MAGI1: variants seen among roughly 807,000 people sequenced by gnomAD.
MAGI1 encodes the protein membrane-associated guanylate kinase, WW and PDZ domain-containing protein 1.
MAGI1 carries 58 observed loss-of-function variants against 139.9 expected under a neutral mutation model. The observed-to-expected ratio is 0.41, with a 90% CI of 0.34 to 0.52. The LOEUF (loss-of-function observed/expected upper bound fraction) is 0.52. Among genes scored for constraint, MAGI1 ranks in the 20% least tolerant of loss-of-function variants. The pLI is 0.12. For synonymous variants in MAGI1, 812 were observed against 737.9 expected (o/e 1.10, Z -1.63); for missense variants, 1,874 against 1,901.6 (o/e 0.99, Z 0.27).
chr3:65,585,805 A>C (rs2081645875), intron 2 of MAGI1, among the ~76,000 whole-genome samples: 1 of 152,150 alleles, frequency 6.6e-6, no homozygotes, highest in Admixed American at 6.6e-5. Context: ...AATTCCCAAA[A>C]ATGAGAACAA....
At chr3:65,880,305 A>G (rs911086453) in intron 1 of MAGI1, among the ~76,000 whole-genome samples, 2 of 152,182 alleles carry the variant, frequency 1.3e-5, no homozygotes. Context: ...AGTAGTAATG[A>G]TAACAGTAGT....
chr3:65,798,674 A>G (rs1228843158), intron 1 of MAGI1, among the ~76,000 whole-genome samples: 1 of 152,234 alleles, frequency 6.6e-6, no homozygotes, highest in Non-Finnish European at 1.5e-5. Context: ...GAATTTCTAG[A>G]AATACTACAG....
At chr3:65,980,564 C>CAAAAA (rs11410142) in intron 1 of MAGI1, among the ~76,000 whole-genome samples, 2 of 127,718 alleles carry the variant, frequency 1.6e-5, no homozygotes, top group Non-Finnish European at 3.2e-5. Context: ...GACTCCATCT[C>CAAAAA]AAAAAAAAAA....
chr3:65,575,515 A>C (rs911998201), intron 2 of MAGI1, among the ~76,000 whole-genome samples: 1 of 152,140 alleles, frequency 6.6e-6, no homozygotes, highest in Non-Finnish European at 1.5e-5. Context: ...AATTCCACCC[A>C]CAGATATTTA....
At chr3:65,949,193 C>A (rs1176834427) in intron 1 of MAGI1, among the ~76,000 whole-genome samples, 1 of 152,196 alleles carries the variant, frequency 6.6e-6, no homozygotes, top group Non-Finnish European at 1.5e-5. Context: ...ATATCAGAAA[C>A]CTTCCCATCA....
At chr3:65,929,680 T>C (rs932911983) in intron 1 of MAGI1, among the ~76,000 whole-genome samples, 5 of 151,994 alleles carry the variant, frequency 3.3e-5, no homozygotes, top group Non-Finnish European at 5.9e-5. Flanking sequence ...CCACATAAGA[T>C]ACTAGATAAT....
At chr3:65,511,334 T>G (rs1369629789) in intron 2 of MAGI1, among the ~76,000 whole-genome samples, 19 of 145,058 alleles carry the variant, frequency 1.3e-4, no homozygotes, top group East Asian at 4.1e-4. Context: ...TGGACTAAAT[T>G]CTCCAATTAA....
intron 1 of MAGI1, among the ~76,000 whole-genome samples, chr3:65,875,269 G>A (rs2060073507): frequency 6.6e-6 from 1 of 152,148 alleles, no homozygotes; most frequent in Non-Finnish European, 1.5e-5. Flanking sequence ...AAGGTAAAGG[G>A]TTTGTTGTTG....
Position 65,910,855 on chromosome 3 carries a change from C to CT in MAGI1, c.313+127140dup, listed in dbSNP as rs397989928. Among the ~76,000 whole-genome samples the CT allele has an allele frequency of 8.1e-4, 48 of 59,480 alleles. 8 individuals are homozygous for CT. The highest frequency in any genetic ancestry group is 1.9e-3 in the Admixed American group (6 of 3,216). 39.0% of individuals were successfully genotyped at this position (59,480 alleles called of 152,430 possible). ...TGAGGCCTCTTTCAGACATGGTGGACTTTTTTTTTTTTTTTTTTTTGAGAT... is the reference window on the plus strand; with the variant it reads ...TGAGGCCTCTTTCAGACATGGTGGACTTTTTTTTTTTTTTTTTTTTTGAGAT... On this transcript the variant is annotated intron_variant, in intron 1 of 22. Coordinates refer to ENST00000402939, the MANE Select transcript of MAGI1 (RefSeq NM_001033057.2).
chr3:65,501,736 C>A (rs952408959), intron 2 of MAGI1, among the ~76,000 whole-genome samples: 1 of 152,134 alleles, frequency 6.6e-6, no homozygotes, highest in Non-Finnish European at 1.5e-5. Flanking sequence ...AACATATTCA[C>A]ACAAAACCCC....
At chr3:65,417,537 A>C (rs1033297372) in intron 12 of MAGI1, among the ~76,000 whole-genome samples, 5 of 151,708 alleles carry the variant, frequency 3.3e-5, no homozygotes, top group East Asian at 3.9e-4. Flanking sequence ...TTTAAAGCAT[A>C]AATTAAACCA....
rs1553680021 is a variant in MAGI1, at chr3:65,610,742, GTA to G, written c.430+11228_430+11229del. On this transcript the variant is annotated intron_variant, in intron 2 of 22. Coordinates refer to ENST00000402939, the MANE Select transcript of MAGI1 (RefSeq NM_001033057.2). The stretch of plus-strand genomic sequence containing the variant: ...CATTTAGGTACAAATATAGTATATA[GTA>G]TATATACAGTATATATATAGCATAT... 5.3e-4 allele frequency among the ~76,000 whole-genome samples: 64 copies of G among 121,164 alleles called. 1 individual carries two copies. The highest frequency in any genetic ancestry group is 9.0e-4 in the East Asian group (4 of 4,430). 79.5% of individuals were successfully genotyped at this position (121,164 alleles called of 152,430 possible).
chr3:65,966,513 G>C (rs2064748390), intron 1 of MAGI1, among the ~76,000 whole-genome samples: 1 of 152,044 alleles, frequency 6.6e-6, no homozygotes, highest in East Asian at 1.9e-4. Context: ...CAACTATTGG[G>C]AGGCCAGGGC....
At chr3:65,509,412 G>C (rs1293546092) in intron 2 of MAGI1, among the ~76,000 whole-genome samples, 2 of 152,142 alleles carry the variant, frequency 1.3e-5, no homozygotes, top group African/African-American at 4.8e-5. Context: ...TCTCACTAGG[G>C]AGTGCCAGAC....
intron 1 of MAGI1, among the ~76,000 whole-genome samples, chr3:65,780,467 A>G (rs958701789): frequency 1.3e-5 from 2 of 152,216 alleles, no homozygotes; most frequent in African/African-American, 4.8e-5. Context: ...GATTCAAACG[A>G]CTAACAATGA....
intron 7 of MAGI1, among the ~76,000 whole-genome samples, chr3:65,444,445 G>A (rs185863571): frequency 7.0e-6 from 1 of 142,560 alleles, no homozygotes; most frequent in Admixed American, 7.2e-5. Context: ...TGGATGTGAG[G>A]AGACCGCATT....
At position 65,383,616 on chromosome 3, in the gene MAGI1, A is replaced by G. The variant is rs2106918004; in HGVS notation, c.2424T>C (p.Asp808=). 1.2e-6 allele frequency: 2 copies of G among 1,608,046 alleles called. No individual in the cohort carries two copies. Among genetic ancestry groups the G allele is most frequent in the Non-Finnish European group, 1.7e-6 (2 of 1,174,440 alleles). ...SRSMYENRLP[D]YQEQDIFLWR... Reference sequence around the variant, plus strand: ...AGAGGAAGATGTCCTGTTCCTGGTAATCTGGAACTGCAGAGAGGGGAGAAA... The same window carrying G: ...AGAGGAAGATGTCCTGTTCCTGGTAGTCTGGAACTGCAGAGAGGGGAGAAA... The change falls in exon 15 of 23, where the codon GAT becomes GAC. Residue 808 remains aspartate (D), a synonymous_variant. Coordinates refer to ENST00000402939, the MANE Select transcript of MAGI1 (RefSeq NM_001033057.2).
At chr3:65,879,805 C>T (rs2060254339) in intron 1 of MAGI1, among the ~76,000 whole-genome samples, 1 of 152,176 alleles carries the variant, frequency 6.6e-6, no homozygotes, top group Non-Finnish European at 1.5e-5. Flanking sequence ...GAAAGAATCA[C>T]AAATTTGTCT....
intron 1 of MAGI1, among the ~76,000 whole-genome samples, chr3:66,017,049 G>A (rs940961148): frequency 6.6e-6 from 1 of 152,216 alleles, no homozygotes; most frequent in Non-Finnish European, 1.5e-5. Flanking sequence ...TCTGGAGATG[G>A]ATGGTGGTAA....
Sources: allele counts gnomAD v4.1 joint callset (sites outside exome capture counted in the v4.1 genomes callset), GRCh38; gene constraint gnomAD v4.1.1; transcripts MANE v1.5; gene names NCBI Gene and HGNC (gene_info 2026-07-23, HGNC 2026-07-21).